The following SRRT variants were observed in gnomAD, a reference collection of about 807,000 sequenced individuals.
The protein encoded by SRRT is serrate RNA effector molecule homolog.
Under a neutral mutation model 103.2 loss-of-function variants are expected in SRRT, and 32 were observed. The ratio of observed to expected loss-of-function variants is 0.31; its 90% CI spans 0.23 to 0.42. SRRT has a LOEUF of 0.42. Ranked by LOEUF, SRRT falls within the 10% of genes least tolerant of loss-of-function variation. The pLI is 1.00. For synonymous variants in SRRT, 525 were observed against 449.0 expected (o/e 1.17, Z -2.14); for missense variants, 986 against 1,207.5 (o/e 0.82, Z 2.72).
In SRRT at chr7:100,882,011, G is replaced by T; in HGVS notation, c.399-42G>T. 2 of 1,585,330 alleles carry T rather than the reference G, an allele frequency of 1.3e-6. No individual in the cohort carries two copies. The highest frequency in any genetic ancestry group is 2.7e-5 in the African/African-American group (2 of 73,880). On this transcript the variant is annotated intron_variant, in intron 4 of 19. Coordinates refer to ENST00000611405, the MANE Select transcript of SRRT (RefSeq NM_015908.6). This position sits in a 1 kb window ranked among gnomAD's most constrained non-coding sequence, Gnocchi z 4.2. Reference sequence around the variant, plus strand: ...ACTTTGGCCCCTGTAGCCTCCCACCGTTCCCCAAAAACCAAGCCTTCCTGA... The same window carrying T: ...ACTTTGGCCCCTGTAGCCTCCCACCTTTCCCCAAAAACCAAGCCTTCCTGA...
chr7:100,876,394 C>T (rs564204675), intron 2 of SRRT, among the ~76,000 whole-genome samples: 280 of 152,276 alleles, frequency 1.8e-3, no homozygotes, highest in African/African-American at 6.4e-3. Flanking sequence ...TTAGGTAATC[C>T]ACCCAGCTCG....
intron 2 of SRRT, among the ~76,000 whole-genome samples, chr7:100,879,807 C>T (rs1275421162): frequency 1.6e-5 from 2 of 128,144 alleles, no homozygotes; most frequent in South Asian, 2.5e-4. Context: ...GTGAGACTGT[C>T]TCCAAAAAAA....
chr7:100,885,742 A>C lies in SRRT; in HGVS notation c.1359A>C (p.Ser453=). The change falls in exon 11 of 20, where the codon TCA becomes TCC. Residue 453 remains serine (S), a synonymous_variant. Transcript: ENST00000611405. The surrounding 1 kb of genome is among the most constrained non-coding windows in gnomAD (Gnocchi z 4.8). ...RYPGFMRVAL[S]EPQPERRFFR... ...CAGGCTTTATGCGGGTGGCGCTCTC[A>C]GAGCCCCAGCCAGAGAGGAGGTGAG... 6.2e-7 allele frequency: 1 copy of C among 1,614,058 alleles called. No homozygotes were observed. Among genetic ancestry groups the C allele is most frequent in the Non-Finnish European group, 8.5e-7 (1 of 1,179,962 alleles).
chr7:100,881,151 G>GA, intron 2 of SRRT, 134 bp from the exon 3 acceptor site: 1 of 830,762 alleles, frequency 1.2e-6, no homozygotes, highest in South Asian at 1.9e-5. Flanking sequence ...GCGGGGGGGG[G>GA]TCTCACTATT....
At position 100,885,814 on chromosome 7, in the gene SRRT, A is replaced by G. The variant is rs1584754228; in HGVS notation, c.1380-49A>G. ...AAAGTGCAGGGGAACGTTAATGGCC[A>G]ACACCAACTCCCTCGCTTGACTATG... On this transcript the variant is annotated intron_variant, in intron 11 of 19. Transcript: ENST00000611405. This position sits in a 1 kb window ranked among gnomAD's most constrained non-coding sequence, Gnocchi z 4.8. 6.2e-7 allele frequency: 1 copy of G among 1,613,734 alleles called. No homozygotes were observed. Among genetic ancestry groups the G allele is most frequent in the Non-Finnish European group, 8.5e-7 (1 of 1,179,662 alleles).
chr7:100,876,142 A>G (rs925615057), intron 2 of SRRT, among the ~76,000 whole-genome samples: 8 of 152,094 alleles, frequency 5.3e-5, no homozygotes, highest in Admixed American at 4.6e-4. Flanking sequence ...ACGCCCGCCT[A>G]ACTTTTAAAA....
At chr7:100,888,010 C>A in intron 17 of SRRT, 32 bp from the exon 18 acceptor site, 1 of 1,526,450 alleles carries the variant, frequency 6.6e-7, no homozygotes. Flanking sequence ...CCCTCCCCGC[C>A]CCCGCAGTAA....
rs1790423501 is a variant in SRRT, at chr7:100,888,594, C to G, written c.*45C>G. On this transcript the variant is annotated 3_prime_UTR_variant, in exon 20 of 20. Transcript: ENST00000611405. ...TCCTGTATCATCCATACTTGTACTA[C>G]CTTGTCCTATGAAGCTCTGAGAATT... The G allele has an allele frequency of 6.2e-7, 1 of 1,609,804 alleles. No individual in the cohort carries two copies. The highest frequency in any genetic ancestry group is 1.7e-5 in the Admixed American group (1 of 59,984).
At position 100,884,918 on chromosome 7, in the gene SRRT, C is replaced by T. The variant is rs1198706173; in HGVS notation, c.1042-5C>T. The stretch of plus-strand genomic sequence containing the variant: ...GACTTGTCCCCTCTGCTGTGGCTCA[C>T]ACAGAGTAGCAAGAAGCGGAACCGG... On this transcript the variant is annotated splice_polypyrimidine_tract_variant and splice_region_variant and intron_variant, in intron 8 of 19. Coordinates refer to ENST00000611405, the MANE Select transcript of SRRT (RefSeq NM_015908.6). The T allele has an allele frequency of 1.2e-6, 2 of 1,613,940 alleles. No homozygotes were observed. The highest frequency in any genetic ancestry group is 1.7e-5 in the Admixed American group (1 of 59,986).
At position 100,888,259 on chromosome 7, in the gene SRRT, G is replaced by A; in HGVS notation, c.2431G>A (p.Gly811Ser). Residue 811 changes from glycine (G) to serine (S), a missense_variant and splice_region_variant, in exon 19 of 20, where the codon GGT (glycine) becomes AGT (serine). Physicochemically the swap from Gly to Ser is moderately conservative, Grantham distance 56. Transcript: ENST00000611405. ...CTCAACACTGATCTCTGTCATAGCT[G>A]GTGCTGTCCGCCCTGCAGTCCCCAC... ...PRPPILGYGA[G>S]AVRPAVPTGG... 1 of 1,607,406 alleles carries A rather than the reference G, an allele frequency of 6.2e-7. No homozygotes were observed. The highest frequency in any genetic ancestry group is 8.5e-7 in the Non-Finnish European group (1 of 1,175,256).
intron 1 of SRRT, 44 bp from the exon 2 acceptor site, chr7:100,875,529 C>T (rs1454592336): frequency 2.5e-6 from 4 of 1,604,924 alleles, no homozygotes; most frequent in Non-Finnish European, 3.4e-6. Flanking sequence ...CCTTCCTCCG[C>T]TCGTCCTTTT....
In SRRT at chr7:100,888,455, T is replaced by G; in HGVS notation, c.2556-19T>G. Reference sequence around the variant, plus strand: ...TTTTGGGAGCCCTCAGCTCTCATCCTGTACCTCTCACCTCACAGGATGGTT... The same window carrying G: ...TTTTGGGAGCCCTCAGCTCTCATCCGGTACCTCTCACCTCACAGGATGGTT... On this transcript the variant is annotated intron_variant, in intron 19 of 19. Transcript: ENST00000611405. 1.2e-6 allele frequency: 2 copies of G among 1,614,008 alleles called. No homozygotes were observed. The highest frequency in any genetic ancestry group is 1.7e-6 in the Non-Finnish European group (2 of 1,179,920).
chr7:100,878,117 A>T (rs1285589373), intron 2 of SRRT, among the ~76,000 whole-genome samples: 1 of 152,072 alleles, frequency 6.6e-6, no homozygotes, highest in Non-Finnish European at 1.5e-5. Flanking sequence ...TTTGAGACCA[A>T]CCTGGGCAAC....
chr7:100,885,893 C>T lies in SRRT; in HGVS notation c.1410C>T (p.Asp470=). Residue 470 remains aspartate (D), a synonymous_variant, in exon 12 of 20, where the codon GAC becomes GAT. Coordinates refer to ENST00000611405, the MANE Select transcript of SRRT (RefSeq NM_015908.6). This position sits in a 1 kb window ranked among gnomAD's most constrained non-coding sequence, Gnocchi z 4.8. ...TCCGTCGTGGCTGGGTGACCTTCGA[C>T]CGCAGTGTTAACATTAAAGAGATCT... is the stretch of plus-strand genomic sequence containing the variant. ...RFFRRGWVTF[D]RSVNIKEICW... 6.2e-7 allele frequency: 1 copy of T among 1,614,086 alleles called. No individual in the cohort carries two copies. The highest frequency in any genetic ancestry group is 8.5e-7 in the Non-Finnish European group (1 of 1,180,028).
At chr7:100,883,459 C>T (rs1789774395) in intron 5 of SRRT, among the ~76,000 whole-genome samples, 1 of 152,182 alleles carries the variant, frequency 6.6e-6, no homozygotes, top group Non-Finnish European at 1.5e-5. Flanking sequence ...GCCCTCTCCT[C>T]TCTCTCCCCC....
chr7:100,885,244 G>A lies in SRRT; in HGVS notation c.1191G>A (p.Lys397=), dbSNP rs1283517900. ...EEALKEKEKP[K]EEEWEKPKDA... is the part of the protein sequence containing the mutation. ...CGCTCAAGGAGAAGGAGAAGCCCAA[G>A]GAAGAAGAATGGGAGAAGCCCAAGG... The change falls in exon 10 of 20, where the codon AAG becomes AAA. Residue 397 remains lysine, a synonymous_variant. Coordinates refer to ENST00000611405, the MANE Select transcript of SRRT (RefSeq NM_015908.6). The surrounding 1 kb of genome is among the most constrained non-coding windows in gnomAD (Gnocchi z 4.8). 1 of 1,614,000 alleles carries A rather than the reference G, an allele frequency of 6.2e-7. No individual in the cohort carries two copies.
rs758364062 is a variant in SRRT, at chr7:100,881,662, T to G, written c.255T>G (p.Asp85Glu). Residue 85 changes from aspartate to glutamate, a missense_variant, in exon 4 of 20, where the codon GAT becomes GAG. Around this residue, in one of 6 missense-constraint regions of SRRT, gnomAD observed 274 missense variants for 358.5 expected, o/e 0.76. Coordinates refer to ENST00000611405, the MANE Select transcript of SRRT (RefSeq NM_015908.6). ...PPQKRMRRDWDEHSSDPYHSG... is the reference protein window; with the variant it reads ...PPQKRMRRDWEEHSSDPYHSG... Reference sequence around the variant, plus strand: ...CTTTTGTGTCCCCCACCTTCAGGGATGAGCACAGCTCTGACCCATACCACA... The same window carrying G: ...CTTTTGTGTCCCCCACCTTCAGGGAGGAGCACAGCTCTGACCCATACCACA... The G allele has an allele frequency of 6.8e-6, 11 of 1,614,002 alleles. No homozygotes were observed. Among genetic ancestry groups the G allele is most frequent in the Non-Finnish European group, 9.3e-6 (11 of 1,180,004 alleles).
At chr7:100,878,727 C>T (rs1299096064) in intron 2 of SRRT, among the ~76,000 whole-genome samples, 2 of 151,312 alleles carry the variant, frequency 1.3e-5, no homozygotes, top group East Asian at 1.9e-4. Context: ...ACGGGTCTTA[C>T]TCTGTTGCCC....
At position 100,875,207 on chromosome 7, in the gene SRRT, T is replaced by G. The variant is rs1815550465; in HGVS notation, c.-140T>G. 1 of 236,846 alleles carries G rather than the reference T, an allele frequency of 4.2e-6. No individual in the cohort carries two copies. The highest frequency in any genetic ancestry group is 5.1e-5 in the Admixed American group (1 of 19,636). 14.7% of individuals were successfully genotyped at this position (236,846 alleles called of 1,614,324 possible). A position where few individuals can be genotyped will look rare whatever the true frequency, so the allele number is the denominator to read the frequency against. On this transcript the variant is annotated 5_prime_UTR_variant, in exon 1 of 20. Coordinates refer to ENST00000611405, the MANE Select transcript of SRRT (RefSeq NM_015908.6). ...ACTTTTGTTCGCCTCTCTTCGGCCC[T>G]CTACTCAAGAGCTCCGTCTCCGTCT...
Sources: allele counts gnomAD v4.1 joint callset (sites outside exome capture counted in the v4.1 genomes callset), GRCh38; gene constraint gnomAD v4.1.1; regional missense constraint gnomAD v4.1.1; non-coding constraint Gnocchi (gnomAD v3.1); transcripts MANE v1.5; gene names NCBI Gene and HGNC (gene_info 2026-07-23, HGNC 2026-07-21).